Variants in MAX observed in about 807,000 individuals in gnomAD.
MAX encodes the protein protein max.
A neutral mutation model predicts 22.3 loss-of-function variants in MAX; 3 were observed. That is an observed-to-expected ratio of 0.13 (90% CI 0.06 to 0.35). MAX has a LOEUF of 0.35. Ranked by LOEUF, MAX falls within the 10% of genes least tolerant of loss-of-function variation. MAX has a pLI of 1.00. For synonymous variants in MAX, 72 were observed against 77.7 expected (o/e 0.93, Z 0.39); for missense variants, 119 against 209.4 (o/e 0.57, Z 2.66).
Position 65,076,615 on chromosome 14 carries a change from T to C in MAX, c.344A>G (p.Tyr115Cys), listed in dbSNP as rs769555911. ...GTAGAGGCTGTTGTCTGAGGAGGGG[T>C]AGTTGGTCTGCAGTTGGGCACTTGA... Reference protein sequence around the residue: ...ARSSAQLQTNYPSSDNSLYTN... With the variant: ...ARSSAQLQTNCPSSDNSLYTN... The change falls in exon 5 of 5, where the codon TAC becomes TGC. Residue 115 changes from tyrosine (Y) to cysteine (C), a missense_variant. This residue lies in a region of MAX where 95 missense variants were observed against 148.1 expected (regional missense o/e 0.64). Coordinates refer to ENST00000358664, the MANE Select transcript of MAX (RefSeq NM_002382.5). The surrounding 1 kb of genome is among the most constrained non-coding windows in gnomAD (Gnocchi z 6.6). The C allele has an allele frequency of 6.2e-7, 1 of 1,613,562 alleles. No individual in the cohort carries two copies. Among genetic ancestry groups the C allele is most frequent in the Non-Finnish European group, 8.5e-7 (1 of 1,179,956 alleles).
chr14:65,081,864 G>GT (rs1337354110), intron 3 of MAX, among the ~76,000 whole-genome samples: 1 of 152,194 alleles, frequency 6.6e-6, no homozygotes, highest in African/African-American at 2.4e-5. Flanking sequence ...ATGTAGCCAT[G>GT]TAAGCAAACG....
rs2062012563 is a variant in MAX at position 65,027,870 on chromosome 14, G to A, written c.172-21586C>T. 50 of 1,546,396 alleles carry A rather than the reference G, an allele frequency of 3.2e-5. No individual in the cohort carries two copies. The highest frequency in any genetic ancestry group is 4.4e-5 in the Non-Finnish European group (50 of 1,130,980). ...TGCCAAGCCTAAGGAACATCATGGG[G>A]AAGCTGCTGCTTTGTCCCAGAATGA... On this transcript the variant is annotated intron_variant, in intron 3 of 3. Coordinates refer to the MAX transcript ENST00000341653. This position sits in a 1 kb window ranked among gnomAD's most constrained non-coding sequence, Gnocchi z 5.7.
downstream of MAX, among the ~76,000 whole-genome samples, chr14:65,073,227 G>A (rs576240420): frequency 6.6e-6 from 1 of 152,318 alleles, no homozygotes; most frequent in African/African-American, 2.4e-5. Context: ...AGACAGGACT[G>A]TGAACCCAGC....
At position 65,063,417 on chromosome 14, in the gene MAX, G is replaced by T. The variant is rs2062898312; in HGVS notation, c.171+30291C>A. Among the ~76,000 whole-genome samples the T allele has an allele frequency of 2.0e-5, 3 of 152,328 alleles. No homozygotes were observed. The South Asian group carries it at 6.2e-4, about 32-fold the overall frequency. ...AACTGGCTTTTTACCAAGAAGGAGGGATCTGAGTTGGGCCCCAAAGGGTAG... is the reference window on the plus strand; with the variant it reads ...AACTGGCTTTTTACCAAGAAGGAGGTATCTGAGTTGGGCCCCAAAGGGTAG... On this transcript the variant is annotated intron_variant, in intron 3 of 3. Transcript: ENST00000341653.
At chr14:65,053,341 A>G (rs1250823903) in intron 3 of MAX, 2 of 1,434,366 alleles carry the variant, frequency 1.4e-6, no homozygotes, top group Non-Finnish European at 1.8e-6. Flanking sequence ...TTCTGGATAA[A>G]CCTGGCAAGT....
At chr14:65,016,114 G>A (rs1336735484) in intron 3 of MAX, among the ~76,000 whole-genome samples, 1 of 152,160 alleles carries the variant, frequency 6.6e-6, no homozygotes, top group South Asian at 2.1e-4. Flanking sequence ...CCTTTCCTAC[G>A]CACCTCTATA....
chr14:65,101,911 G>A (rs2063855438), intron 1 of MAX, among the ~76,000 whole-genome samples: 1 of 152,092 alleles, frequency 6.6e-6, no homozygotes, highest in Admixed American at 6.5e-5. Context: ...GCGGGTCACG[G>A]GAGGAGAGGA....
chr14:65,051,591 A>G (rs987285216), intron 3 of MAX, among the ~76,000 whole-genome samples: 1 of 151,986 alleles, frequency 6.6e-6, no homozygotes, highest in South Asian at 2.1e-4. Flanking sequence ...AACCTGGGCA[A>G]CAGAGTGAGA....
intron 3 of MAX, among the ~76,000 whole-genome samples, chr14:65,037,751 TATTTATTTATTTA>T (rs1566562927): frequency 1.7e-3 from 179 of 106,858 alleles, no homozygotes; most frequent in South Asian, 2.8e-3. Flanking sequence ...ATTATTTATT[TATTTATTTATTTA>T]TTTATTTATT....
In MAX at chr14:65,102,491, A is replaced by T; in HGVS notation, c.-152T>A. The T allele has an allele frequency of 6.7e-7, 1 of 1,491,390 alleles. No individual in the cohort carries two copies. The highest frequency in any genetic ancestry group is 8.9e-7 in the Non-Finnish European group (1 of 1,121,102). The allele number at this position is 1,491,390 out of a possible 1,614,324, so 92.4% of individuals were successfully genotyped here. A position where few individuals can be genotyped will look rare whatever the true frequency, so the allele number is the denominator to read the frequency against. On this transcript the variant is annotated 5_prime_UTR_variant, in exon 1 of 5. Transcript: ENST00000358664. ...CGCTCTCTCACTCACACACACACAC[A>T]ACACGGGCAAGAACCACCTCCTCAC...
At chr14:65,083,976 C>T in intron 3 of MAX, 1 of 1,434,230 alleles carries the variant, frequency 7.0e-7, no homozygotes, top group South Asian at 1.4e-5. Context: ...GGAACCCCAT[C>T]AATGCCAGCA....
At chr14:65,040,846 G>A in intron 3 of MAX, 1 of 1,613,960 alleles carries the variant, frequency 6.2e-7, no homozygotes, top group Non-Finnish European at 8.5e-7. Context: ...GCCCATGGTG[G>A]CTATACCTTC....
Position 65,084,202 on chromosome 14 carries a change from T to G in MAX, c.172-6166A>C. ...TTTTTAAATCTTGCATTCTTTTTTC[T>G]TGTGCACTTGGTAGCTTGAAATGAA... On this transcript the variant is annotated intron_variant, in intron 3 of 4. Coordinates refer to ENST00000358664, the MANE Select transcript of MAX (RefSeq NM_002382.5). The surrounding 1 kb of genome is among the most constrained non-coding windows in gnomAD (Gnocchi z 4.3). 1 of 1,614,152 alleles carries G rather than the reference T, an allele frequency of 6.2e-7. No homozygotes were observed. The highest frequency in any genetic ancestry group is 8.5e-7 in the Non-Finnish European group (1 of 1,179,990).
intron 3 of MAX, among the ~76,000 whole-genome samples, chr14:65,033,725 C>T (rs934209377): frequency 6.6e-6 from 1 of 152,066 alleles, no homozygotes; most frequent in African/African-American, 2.4e-5. Flanking sequence ...GGCATGGTGG[C>T]GGGCGCCTGT....
chr14:65,043,860 A>AG (rs2062413516), intron 3 of MAX, among the ~76,000 whole-genome samples: 1 of 141,092 alleles, frequency 7.1e-6, no homozygotes, highest in African/African-American at 2.7e-5. Flanking sequence ...AAAAAAAAAA[A>AG]GAAATGTAGT....
At chr14:65,074,183 G>A (rs4899161), downstream of MAX, among the ~76,000 whole-genome samples, 49,537 of 152,064 alleles carry the variant, frequency 0.33, 8,320 homozygotes, top group Non-Finnish European at 0.35. Context: ...TATAGTTAAG[G>A]GCAATGAAAA....
intron 3 of MAX, among the ~76,000 whole-genome samples, chr14:65,089,061 C>T (rs2063422823): frequency 6.6e-6 from 1 of 152,218 alleles, no homozygotes; most frequent in Non-Finnish European, 1.5e-5. Flanking sequence ...TCCTCTTTCC[C>T]AACAACAGAG....
chr14:65,036,502 G>C (rs886165595), intron 3 of MAX, among the ~76,000 whole-genome samples: 2 of 152,046 alleles, frequency 1.3e-5, no homozygotes, highest in African/African-American at 4.8e-5. Context: ...CTCCCAAAGT[G>C]CTGGGATTAT....
At chr14:65,040,604 CTTTTTTT>C (rs35890649) in intron 3 of MAX, among the ~76,000 whole-genome samples, 10 of 117,326 alleles carry the variant, frequency 8.5e-5, no homozygotes, top group Admixed American at 2.7e-4. Context: ...CCAGGCCCAG[CTTTTTTT>C]TTTTTTTTTT....
Sources: gnomAD v4.1 joint callset for allele counts (sites outside exome capture counted in the v4.1 genomes callset) on GRCh38, gnomAD v4.1.1 for gene constraint, gnomAD v4.1.1 regional missense constraint, Gnocchi (gnomAD v3.1) non-coding constraint, MANE v1.5 for transcripts, NCBI Gene and HGNC (gene_info 2026-07-23, HGNC 2026-07-21) for gene names.